The following SKAP1 variants were observed in gnomAD, a reference collection of about 807,000 sequenced individuals.
SKAP1 encodes src kinase-associated phosphoprotein 1.
A neutral mutation model predicts 58.5 loss-of-function variants in SKAP1; 44 were observed. The ratio of observed to expected loss-of-function variants is 0.75; its 90% CI spans 0.59 to 0.97. The LOEUF (loss-of-function observed/expected upper bound fraction) is 0.97, where lower values mean the gene tolerates loss of function less well. Ranked by LOEUF, SKAP1 falls within the 50% of genes least tolerant of loss-of-function variation. The pLI is 0.00. For missense variants in SKAP1, 390 were observed against 435.2 expected (o/e 0.90, Z 0.92); for synonymous variants, 127 against 149.7 (o/e 0.85, Z 1.11).
At chr17:48,236,131 G>T (rs759227734) in intron 4 of SKAP1, among the ~76,000 whole-genome samples, 3 of 152,322 alleles carry the variant, frequency 2.0e-5, no homozygotes, top group East Asian at 3.9e-4. Context: ...AGTTAACAAG[G>T]TTAAGCAAAG....
the SKAP1 span, among the ~76,000 whole-genome samples, chr17:48,444,117 G>A: frequency 2.0e-5 from 2 of 99,178 alleles, no homozygotes; most frequent in Non-Finnish European, 5.5e-5. Flanking sequence ...GTACGAGGCC[G>A]GGCGCAGTGA....
At chr17:48,197,523 T>C (rs748734720) in intron 4 of SKAP1, among the ~76,000 whole-genome samples, 4 of 152,072 alleles carry the variant, frequency 2.6e-5, no homozygotes, top group Non-Finnish European at 5.9e-5. Context: ...ACTCCGTCTC[T>C]ACCAAAAACA....
At chr17:48,189,075 C>T (rs7213530) in intron 5 of SKAP1, among the ~76,000 whole-genome samples, 126,486 of 152,200 alleles carry the variant, frequency 0.83, 52,627 homozygotes, top group East Asian at 0.95. Context: ...ACATATGATA[C>T]AAAAACTACA....
intron 4 of SKAP1, among the ~76,000 whole-genome samples, chr17:48,271,551 G>A (rs547952198): frequency 4.4e-4 from 67 of 151,792 alleles, no homozygotes; most frequent in Non-Finnish European, 8.1e-4. Context: ...AGTATCATTT[G>A]TAGAGATGAG....
intron 4 of SKAP1, among the ~76,000 whole-genome samples, chr17:48,254,111 T>C (rs2065397184): frequency 6.6e-6 from 1 of 152,208 alleles, no homozygotes; most frequent in Non-Finnish European, 1.5e-5. Context: ...GTACTACGTG[T>C]CCCTGGATAA....
At chr17:48,345,842 G>T (rs1162411417) in intron 4 of SKAP1, 63 bp downstream of exon 4, 20 of 1,149,806 alleles carry the variant, frequency 1.7e-5, no homozygotes, top group Non-Finnish European at 2.6e-5. Flanking sequence ...AAAAGGCAAA[G>T]ATGTCAGGCC....
intron 4 of SKAP1, among the ~76,000 whole-genome samples, chr17:48,287,906 C>G (rs1218745685): frequency 6.6e-6 from 1 of 152,212 alleles, no homozygotes; most frequent in Admixed American, 6.5e-5. Flanking sequence ...TTAGCACTCT[C>G]TTACGTCTTA....
At position 48,350,717 on chromosome 17, in the gene SKAP1, GAAC is replaced by G. The variant is rs775470522; in HGVS notation, c.179-4714_179-4712del. 4.6e-3 allele frequency among the ~76,000 whole-genome samples: 698 copies of G among 151,720 alleles called. 5 individuals are homozygous for G. Among genetic ancestry groups the G allele is most frequent in the African/African-American group, 0.016 (645 of 41,370 alleles). On this transcript the variant is annotated intron_variant, in intron 3 of 12. Transcript: ENST00000336915. ...ATCTCAAAAACAAACAAACAAAAAA[GAAC>G]AACAACAACAACAACAACAAAACAC...
chr17:48,245,134 CA>C (rs2065281473), intron 4 of SKAP1, among the ~76,000 whole-genome samples: 1 of 152,084 alleles, frequency 6.6e-6, no homozygotes. Flanking sequence ...CTGGCAGCTC[CA>C]AAATTATAGA....
intron 11 of SKAP1, among the ~76,000 whole-genome samples, chr17:48,154,478 TACCC>T (rs980066501): frequency 3.9e-5 from 6 of 152,154 alleles, no homozygotes; most frequent in Admixed American, 2.0e-4. Context: ...ATCTTATGCG[TACCC>T]AACTTGTTGC....
chr17:48,360,776 C>G (rs34641642), intron 3 of SKAP1, among the ~76,000 whole-genome samples: 4,469 of 151,834 alleles, frequency 0.029, 240 homozygotes, highest in African/African-American at 0.1. Context: ...GACAGTGGAC[C>G]AATAAAAAAA....
chr17:48,431,664 G>A (rs968659233), upstream of SKAP1, among the ~76,000 whole-genome samples: 2 of 152,134 alleles, frequency 1.3e-5, no homozygotes, highest in East Asian at 3.8e-4. Flanking sequence ...CTCCGGGGTG[G>A]TATGTGGCCT....
chr17:48,298,389 C>T (rs1156259298), intron 4 of SKAP1, among the ~76,000 whole-genome samples: 2 of 152,128 alleles, frequency 1.3e-5, no homozygotes, highest in Non-Finnish European at 2.9e-5. Flanking sequence ...AAGGGGTTAC[C>T]CTGGATTCCC....
chr17:48,413,523 A>AATATAT (rs1555624885), intron 1 of SKAP1, among the ~76,000 whole-genome samples: 4 of 105,500 alleles, frequency 3.8e-5, no homozygotes, highest in South Asian at 2.6e-4. Context: ...TCAAAAAAAA[A>AATATAT]ATATATATAT....
At chr17:48,421,503 C>T (rs1020903656) in intron 1 of SKAP1, among the ~76,000 whole-genome samples, 4 of 151,992 alleles carry the variant, frequency 2.6e-5, no homozygotes, top group African/African-American at 9.7e-5. Flanking sequence ...CGGGGTTTCA[C>T]CATCTTGGCC....
At chr17:48,369,559 C>A (rs1299579990) in intron 2 of SKAP1, among the ~76,000 whole-genome samples, 1 of 151,630 alleles carries the variant, frequency 6.6e-6, no homozygotes, top group East Asian at 1.9e-4. Context: ...AAATTGAACC[C>A]ACAGTATTGA....
chr17:48,211,286 A>T (rs1351215251), intron 4 of SKAP1, among the ~76,000 whole-genome samples: 4 of 152,070 alleles, frequency 2.6e-5, no homozygotes, highest in East Asian at 1.9e-4. Context: ...TATTAAAAAA[A>T]ATTTTTTTTT....
intron 1 of SKAP1, among the ~76,000 whole-genome samples, chr17:48,401,546 T>C (rs2067499161): frequency 6.6e-6 from 1 of 152,090 alleles, no homozygotes; most frequent in South Asian, 2.1e-4. Flanking sequence ...CAACAAATGG[T>C]GCTGAGACAA....
chr17:48,281,138 G>T (rs1281475816), intron 4 of SKAP1, among the ~76,000 whole-genome samples: 1 of 152,100 alleles, frequency 6.6e-6, no homozygotes, highest in African/African-American at 2.4e-5. Context: ...CGATACCCCT[G>T]CCTCAGCCTC....
Sources: allele counts gnomAD v4.1 joint callset (sites outside exome capture counted in the v4.1 genomes callset), GRCh38; gene constraint gnomAD v4.1.1; transcripts MANE v1.5; gene names NCBI Gene and HGNC (gene_info 2026-07-23, HGNC 2026-07-21).